Variants in ZNF507 observed in about 807,000 individuals in gnomAD.
ZNF507 encodes the protein zinc finger protein 507.
A neutral mutation model predicts 80.0 loss-of-function variants in ZNF507; 29 were observed. That is an observed-to-expected ratio of 0.36 (90% CI 0.27 to 0.49). ZNF507 has a LOEUF of 0.49. Among genes scored for constraint, ZNF507 ranks in the 20% least tolerant of loss-of-function variants. The probability of loss-of-function intolerance (pLI) is 0.98; values close to 1 mark genes in which losing one functional copy is unlikely to be tolerated. For synonymous variants in ZNF507, 462 were observed against 422.5 expected (o/e 1.09, Z -1.15); for missense variants, 1,081 against 1,152.2 (o/e 0.94, Z 0.90).
At chr19:32,350,241 T>A (rs2145312656) in intron 2 of ZNF507, among the ~76,000 whole-genome samples, 1 of 151,026 alleles carries the variant, frequency 6.6e-6, no homozygotes, top group South Asian at 2.1e-4. Context: ...TTTATGAGAT[T>A]AACCTGTGCA....
At chr19:32,367,323 T>C (rs564493914) in intron 5 of ZNF507, among the ~76,000 whole-genome samples, 17 of 152,260 alleles carry the variant, frequency 1.1e-4, no homozygotes, top group African/African-American at 3.8e-4. Flanking sequence ...ACCTCCAACA[T>C]TGGGGATCAA....
rs137909719 is a variant in ZNF507, at chr19:32,376,630, G to A, written c.2361-5837G>A. On this transcript the variant is annotated intron_variant, in intron 5 of 6. Transcript: ENST00000355898. ...ATGTAGGGACCAGCCCCACATGATC[G>A]GTGGGTTTTTCTCCCTGTGTGCAGA... Among the ~76,000 whole-genome samples, 1,099 of 152,304 alleles carry A rather than the reference G, an allele frequency of 7.2e-3. 16 individuals carry two copies. Among genetic ancestry groups the A allele is most frequent in the African/African-American group, 0.025 (1,032 of 41,566 alleles).
chr19:32,385,265 T>C lies in ZNF507; in HGVS notation c.*2182T>C, dbSNP rs968197213. 2.6e-5 allele frequency: 4 copies of C among 152,214 alleles called. No individual in the cohort carries two copies. Among genetic ancestry groups the C allele is most frequent in the Non-Finnish European group, 4.4e-5 (3 of 68,034 alleles). 9.4% of individuals were successfully genotyped at this position (152,214 alleles called of 1,614,324 possible). On this transcript the variant is annotated 3_prime_UTR_variant, in exon 7 of 7. Transcript: ENST00000355898. The stretch of plus-strand genomic sequence containing the variant: ...CCACCTGGAATCATGGATTTAAAAT[T>C]TCCCCACCTCATGGGGAAAAAACTA...
intron 5 of ZNF507, among the ~76,000 whole-genome samples, chr19:32,376,077 C>T (rs1967542123): frequency 6.6e-6 from 1 of 152,102 alleles, no homozygotes; most frequent in Admixed American, 6.5e-5. Context: ...CAATTCCATC[C>T]AATGTGAAAT....
chr19:32,356,998 A>G (rs1599548868), intron 4 of ZNF507: 1 of 310,254 alleles, frequency 3.2e-6, no homozygotes, highest in Non-Finnish European at 6.0e-6. Context: ...AAGGTGATGT[A>G]CCAGCAAGCC....
rs200853216 is a variant in ZNF507, at chr19:32,382,617, C to T, written c.2495+16C>T. 127 of 1,613,932 alleles carry T rather than the reference C, an allele frequency of 7.9e-5. No individual in the cohort carries two copies. The African/African-American group carries it at 1.4e-3, about 17-fold the overall frequency. On this transcript the variant is annotated intron_variant, in intron 6 of 6. Coordinates refer to ENST00000355898, the MANE Select transcript of ZNF507 (RefSeq NM_001136156.2). ...AAAGTGGCAGGTATTTCATCCTACC[C>T]CCTCCCTTTATTGCTATATGTAAAT...
At chr19:32,380,509 G>T (rs1166254015) in intron 5 of ZNF507, 1 of 1,209,970 alleles carries the variant, frequency 8.3e-7, no homozygotes, top group Non-Finnish European at 1.2e-6. Flanking sequence ...GTGAGAAAAA[G>T]AGTTTAGTCT....
At chr19:32,345,900 C>T (rs741446) in intron 1 of ZNF507, 117 bp downstream of exon 1, 67,178 of 152,434 alleles carry the variant, frequency 0.44, 16,102 homozygotes, top group Non-Finnish European at 0.54. Context: ...GACCCCCGCC[C>T]GGTGCTAGCC....
intron 3 of ZNF507, among the ~76,000 whole-genome samples, chr19:32,355,999 A>AGGT (rs1967246764): frequency 6.6e-6 from 1 of 151,544 alleles, no homozygotes; most frequent in South Asian, 2.1e-4. Flanking sequence ...ACTCCATCTC[A>AGGT]AAAAAAAAGG....
At chr19:32,368,298 G>A (rs556028556) in intron 5 of ZNF507, among the ~76,000 whole-genome samples, 140 of 152,328 alleles carry the variant, frequency 9.2e-4, no homozygotes, top group Middle Eastern at 3.4e-3. Flanking sequence ...TTGAAGGCTG[G>A]AAGTGACCCA....
At chr19:32,370,819 A>AT (rs1967460630) in intron 5 of ZNF507, among the ~76,000 whole-genome samples, 1 of 151,910 alleles carries the variant, frequency 6.6e-6, no homozygotes, top group African/African-American at 2.4e-5. Flanking sequence ...CTGCAGCGAG[A>AT]TTTTTCCTTG....
intron 3 of ZNF507, among the ~76,000 whole-genome samples, chr19:32,355,545 T>G (rs1967240872): frequency 1.3e-5 from 2 of 152,230 alleles, no homozygotes; most frequent in African/African-American, 4.8e-5. Context: ...GATTTTTATC[T>G]TAAGTGCTGA....
rs536776961 is a variant in ZNF507 at position 32,371,229 on chromosome 19, C to T, written c.2360+10611C>T. ...GTGGCTCACGCTTGTAATCCCAGCA[C>T]TTTGGGAGGCTGAGGCGGGTGGATC... On this transcript the variant is annotated intron_variant, in intron 5 of 6. Transcript: ENST00000355898. Among the ~76,000 whole-genome samples, 4 of 152,176 alleles carry T rather than the reference C, an allele frequency of 2.6e-5. No individual in the cohort carries two copies. The East Asian group carries it at 5.8e-4, about 22-fold the overall frequency.
At chr19:32,367,332 A>G (rs1384514335) in intron 5 of ZNF507, among the ~76,000 whole-genome samples, 2 of 152,200 alleles carry the variant, frequency 1.3e-5, no homozygotes, top group Non-Finnish European at 2.9e-5. Flanking sequence ...ATTGGGGATC[A>G]AATTTCGACA....
At chr19:32,355,905 A>C (rs1967244833) in intron 3 of ZNF507, among the ~76,000 whole-genome samples, 1 of 152,172 alleles carries the variant, frequency 6.6e-6, no homozygotes, top group African/African-American at 2.4e-5. Context: ...AGGCTAAGGA[A>C]GGAGAATGGC....
At position 32,382,475 on chromosome 19, in the gene ZNF507, T is replaced by G; in HGVS notation, c.2369T>G (p.Leu790Arg). 6.2e-7 allele frequency: 1 copy of G among 1,614,028 alleles called. No individual in the cohort carries two copies. ...HNSDKPYRCS[L>R]CGYVCSHPPS... ...GCCTGCCTGTCTTCCAGATGCTCTCTGTGTGGGTATGTGTGTAGCCATCCT... is the reference window on the plus strand; with the variant it reads ...GCCTGCCTGTCTTCCAGATGCTCTCGGTGTGGGTATGTGTGTAGCCATCCT... Residue 790 changes from leucine to arginine, a missense_variant, in exon 6 of 7, where the codon CTG (leucine) becomes CGG (arginine). Physicochemically the swap from Leu to Arg is moderately radical, Grantham distance 102 (BLOSUM62 -2). This residue lies in a region of ZNF507 where 40 missense variants were observed against 52.4 expected (regional missense o/e 0.76). Coordinates refer to ENST00000355898, the MANE Select transcript of ZNF507 (RefSeq NM_001136156.2).
At position 32,386,614 on chromosome 19, in the gene ZNF507, T is replaced by A. The variant is rs1034252346; in HGVS notation, c.*3531T>A. On this transcript the variant is annotated 3_prime_UTR_variant, in exon 7 of 7. Transcript: ENST00000355898. ...CTGTATCTTATTAAAATAGGATGAT[T>A]TGCATTTTGTAAAATTATCCTGCAC... The A allele has an allele frequency of 6.6e-6, 1 of 152,662 alleles. No homozygotes were observed. The highest frequency in any genetic ancestry group is 1.9e-4 in the East Asian group (1 of 5,200). 9.5% of individuals were successfully genotyped at this position (152,662 alleles called of 1,614,324 possible).
rs78820908 is a variant in ZNF507, at chr19:32,362,789, C to T, written c.2360+2171C>T. Among the ~76,000 whole-genome samples the T allele has an allele frequency of 8.1e-3, 1,229 of 152,336 alleles. 9 individuals carry two copies. The highest frequency in any genetic ancestry group is 0.013 in the Non-Finnish European group (854 of 68,030). On this transcript the variant is annotated intron_variant, in intron 5 of 6. Coordinates refer to ENST00000355898, the MANE Select transcript of ZNF507 (RefSeq NM_001136156.2). ...TGTGTAACATCAGAGAACTCTCAGT[C>T]TGTTATTTTCCAAATTTATTCACAC...
intron 5 of ZNF507, among the ~76,000 whole-genome samples, chr19:32,372,391 GA>G (rs1334027345): frequency 2.6e-5 from 4 of 152,214 alleles, no homozygotes; most frequent in South Asian, 4.1e-4. Context: ...GAGTGGACAG[GA>G]ATTGGCTCAG....
Sources: allele counts gnomAD v4.1 joint callset (sites outside exome capture counted in the v4.1 genomes callset), GRCh38; gene constraint gnomAD v4.1.1; regional missense constraint gnomAD v4.1.1; transcripts MANE v1.5; gene names NCBI Gene and HGNC (gene_info 2026-07-23, HGNC 2026-07-21).